RBPMS2: variants seen among roughly 807,000 people sequenced by gnomAD.
RBPMS2 encodes RNA-binding protein with multiple splicing 2.
In RBPMS2, 14 loss-of-function variants were observed where a neutral mutation model predicts 25.7. That is an observed-to-expected ratio of 0.55 (90% CI 0.36 to 0.85). The LOEUF is 0.85. RBPMS2 is among the 40% of genes least tolerant of loss of function. RBPMS2 has a pLI of 0.01. For missense variants in RBPMS2, 252 were observed against 283.4 expected (o/e 0.89, Z 0.80); for synonymous variants, 127 against 115.6 (o/e 1.10, Z -0.63).
intron 1 of RBPMS2, among the ~76,000 whole-genome samples, chr15:64,756,344 C>T (rs999767541): frequency 6.6e-6 from 1 of 152,048 alleles, no homozygotes; most frequent in Non-Finnish European, 1.5e-5. Context: ...GATGAAACCC[C>T]GTCTCTACTA....
chr15:64,744,327 G>A (rs1321896577), intron 6 of RBPMS2, among the ~76,000 whole-genome samples: 1 of 152,098 alleles, frequency 6.6e-6, no homozygotes, highest in Non-Finnish European at 1.5e-5. Context: ...GGGAGGCCGA[G>A]GCGGACGGAT....
At chr15:64,764,642 A>G (rs1161137176) in intron 1 of RBPMS2, among the ~76,000 whole-genome samples, 2 of 152,228 alleles carry the variant, frequency 1.3e-5, no homozygotes, top group Non-Finnish European at 2.9e-5. Flanking sequence ...GAGGTGGGGC[A>G]CGGTGGCTCA....
At chr15:64,774,030 A>G (rs2083910208) in intron 1 of RBPMS2, among the ~76,000 whole-genome samples, 1 of 152,214 alleles carries the variant, frequency 6.6e-6, no homozygotes, top group Non-Finnish European at 1.5e-5. Flanking sequence ...CTAGATTGTC[A>G]TCGACTGGGG....
At position 64,772,657 on chromosome 15, in the gene RBPMS2, G is replaced by C. The variant is rs146050713; in HGVS notation, c.87+2576C>G. On this transcript the variant is annotated intron_variant, in intron 1 of 7. Transcript: ENST00000300069. The stretch of plus-strand genomic sequence containing the variant: ...TTATACATGCGACTCCCTCCTCTTG[G>C]AATGCCTTTTCCACCCCCACAGGTC... Among the ~76,000 whole-genome samples the C allele has an allele frequency of 1.1e-4, 16 of 152,174 alleles. No homozygotes were observed. In the East Asian group the frequency reaches 3.1e-3, roughly 29 times the overall value.
intron 6 of RBPMS2, among the ~76,000 whole-genome samples, chr15:64,743,454 AT>A (rs2083583153): frequency 1.3e-5 from 2 of 152,246 alleles, no homozygotes; most frequent in African/African-American, 2.4e-5. Flanking sequence ...GACGGAATGC[AT>A]TTAGAAGGGC....
At chr15:64,747,837 G>A (rs527617700) in intron 6 of RBPMS2, among the ~76,000 whole-genome samples, 123 of 152,250 alleles carry the variant, frequency 8.1e-4, no homozygotes, top group African/African-American at 2.8e-3. Context: ...TTTCCTGCCC[G>A]GCACAGGTTC....
chr15:64,769,392 C>G (rs1415259307), intron 1 of RBPMS2, among the ~76,000 whole-genome samples: 3 of 139,922 alleles, frequency 2.1e-5, no homozygotes, highest in African/African-American at 8.1e-5. Flanking sequence ...CCATTGCACT[C>G]CAGCCTGGGC....
chr15:64,762,013 G>A (rs150435322), intron 1 of RBPMS2, among the ~76,000 whole-genome samples: 33 of 152,016 alleles, frequency 2.2e-4, no homozygotes, highest in Non-Finnish European at 3.8e-4. Flanking sequence ...CCCAACTCCC[G>A]GCTAATTTTT....
intron 1 of RBPMS2, among the ~76,000 whole-genome samples, chr15:64,765,705 G>C (rs1351380332): frequency 2.0e-5 from 3 of 152,196 alleles, no homozygotes; most frequent in Admixed American, 2.0e-4. Context: ...CAGCGCTCTG[G>C]GAGGCCGAGG....
At chr15:64,741,912 T>C (rs936647564) in intron 6 of RBPMS2, among the ~76,000 whole-genome samples, 2 of 152,164 alleles carry the variant, frequency 1.3e-5, no homozygotes, top group African/African-American at 4.8e-5. Flanking sequence ...ACGCCTGTAA[T>C]CCCAGCACTT....
At chr15:64,744,805 T>TTTTTTTG (rs2083602321) in intron 6 of RBPMS2, among the ~76,000 whole-genome samples, 1 of 65,510 alleles carries the variant, frequency 1.5e-5, no homozygotes, top group African/African-American at 8.2e-5. Flanking sequence ...TTTGTTTTTT[T>TTTTTTTG]TTTTTTTTTT....
intron 1 of RBPMS2, among the ~76,000 whole-genome samples, chr15:64,755,415 G>A (rs769679472): frequency 5.3e-5 from 8 of 152,060 alleles, no homozygotes; most frequent in South Asian, 2.1e-4. Flanking sequence ...CCAAACACCC[G>A]CCTTGGTTCC....
Position 64,749,505 on chromosome 15 carries a change from A to T in RBPMS2, c.205-12T>A, listed in dbSNP as rs554037683. On this transcript the variant is annotated splice_polypyrimidine_tract_variant and intron_variant, in intron 3 of 7. Transcript: ENST00000300069. The stretch of plus-strand genomic sequence containing the variant: ...ACAAAACCAACAGGCTAGTAGGAAA[A>T]AGAGAGAACACCCTTATATCTCTCC... 1.2e-6 allele frequency: 2 copies of T among 1,609,618 alleles called. No individual in the cohort carries two copies. The highest frequency in any genetic ancestry group is 2.2e-5 in the East Asian group (1 of 44,886).
In RBPMS2 at chr15:64,769,907, G is replaced by A. The variant is rs146549544; in HGVS notation, c.87+5326C>T. Reference sequence around the variant, plus strand: ...TTTAATTGCAGATACCCGGCTGGGCGCGGTGGCTCACGCCTGTAATCCCAG... The same window carrying A: ...TTTAATTGCAGATACCCGGCTGGGCACGGTGGCTCACGCCTGTAATCCCAG... On this transcript the variant is annotated intron_variant, in intron 1 of 7. Coordinates refer to ENST00000300069, the MANE Select transcript of RBPMS2 (RefSeq NM_194272.3). Among the ~76,000 whole-genome samples the A allele has an allele frequency of 4.9e-3, 753 of 152,198 alleles. 6 individuals carry two copies. The highest frequency in any genetic ancestry group is 0.017 in the African/African-American group (725 of 41,512).
chr15:64,757,065 T>C (rs2083738936), intron 1 of RBPMS2, among the ~76,000 whole-genome samples: 1 of 150,942 alleles, frequency 6.6e-6, no homozygotes, highest in African/African-American at 2.4e-5. Context: ...ATCAAACTCT[T>C]AGGCTCAAGA....
chr15:64,758,249 C>T (rs1246237575), intron 1 of RBPMS2, among the ~76,000 whole-genome samples: 1 of 152,214 alleles, frequency 6.6e-6, no homozygotes, highest in Non-Finnish European at 1.5e-5. Flanking sequence ...AAGCATCCAG[C>T]AACCCAAGGG....
chr15:64,743,991 A>T lies in RBPMS2; in HGVS notation c.568-2749T>A, dbSNP rs558038509. On this transcript the variant is annotated intron_variant, in intron 6 of 7. Coordinates refer to ENST00000300069, the MANE Select transcript of RBPMS2 (RefSeq NM_194272.3). ...CGTGGTAGCACACACCTGTAATCCC[A>T]GCAATTTGGGAGGCTGAGGCAGGAG... 2.6e-5 allele frequency among the ~76,000 whole-genome samples: 4 copies of T among 152,288 alleles called. No individual in the cohort carries two copies. In the East Asian group the frequency reaches 7.7e-4, roughly 29 times the overall value.
Position 64,775,412 on chromosome 15 carries a change from C to CGCGGGTGCGGA in RBPMS2, c.-104_-94dup, listed in dbSNP as rs1224692991. On this transcript the variant is annotated 5_prime_UTR_variant, in exon 1 of 8. Coordinates refer to ENST00000300069, the MANE Select transcript of RBPMS2 (RefSeq NM_194272.3). ...GAAGGGGCGCGGGGAGCGGTGCGCT[C>CGCGGGTGCGGA]GCGGGTGCGGAGCGGGTGGCGGGGG... is the stretch of plus-strand genomic sequence containing the variant. 9 of 579,440 alleles carry CGCGGGTGCGGA rather than the reference C, an allele frequency of 1.6e-5. No homozygotes were observed. The highest frequency in any genetic ancestry group is 5.1e-5 in the Admixed American group (1 of 19,780). 35.9% of individuals were successfully genotyped at this position (579,440 alleles called of 1,614,324 possible).
intron 1 of RBPMS2, among the ~76,000 whole-genome samples, chr15:64,775,023 G>A (rs1225171076): frequency 6.6e-6 from 1 of 150,760 alleles, no homozygotes; most frequent in Admixed American, 6.6e-5. Context: ...GAGAGGGCGG[G>A]GAGACAATGC....
Sources: allele counts gnomAD v4.1 joint callset (sites outside exome capture counted in the v4.1 genomes callset), GRCh38; gene constraint gnomAD v4.1.1; transcripts MANE v1.5; gene names NCBI Gene and HGNC (gene_info 2026-07-23, HGNC 2026-07-21).